The following STARD13 variants were observed in gnomAD, a reference collection of about 807,000 sequenced individuals.
The protein encoded by STARD13 is stAR-related lipid transfer protein 13.
Under a neutral mutation model 106.4 loss-of-function variants are expected in STARD13, and 62 were observed. That is an observed-to-expected ratio of 0.58 (90% CI 0.48 to 0.72). The LOEUF is 0.72. Among genes scored for constraint, STARD13 ranks in the 30% least tolerant of loss-of-function variants. The pLI is 0.00. For synonymous variants in STARD13, 565 were observed against 553.0 expected, an observed-to-expected ratio of 1.02 and a Z score of -0.31; for missense variants, 1,387 against 1,424.0, an observed-to-expected ratio of 0.97 and a Z score of 0.42.
the STARD13 span, among the ~76,000 whole-genome samples, chr13:33,449,027 C>G: frequency 2.0e-5 from 3 of 151,772 alleles, no homozygotes; most frequent in Non-Finnish European, 4.4e-5. Context: ...TTCTCTCACT[C>G]TGCATGCTGT....
intron 1 of STARD13, among the ~76,000 whole-genome samples, chr13:33,329,212 G>A (rs1438642090): frequency 2.0e-5 from 3 of 151,886 alleles, no homozygotes; most frequent in Admixed American, 6.6e-5. Context: ...AAATCATTCT[G>A]TAAATATACT....
At chr13:33,660,321 C>T in the STARD13 span, among the ~76,000 whole-genome samples, 2 of 152,124 alleles carry the variant, frequency 1.3e-5, no homozygotes, top group African/African-American at 4.8e-5. Flanking sequence ...AAGATATTTC[C>T]ATCAGTTAGA....
intron 6 of STARD13, among the ~76,000 whole-genome samples, chr13:33,126,462 A>G (rs1416430384): frequency 3.3e-5 from 5 of 152,246 alleles, no homozygotes; most frequent in African/African-American, 1.2e-4. Context: ...TCACGTTCCC[A>G]GAATGTATTT....
the STARD13 span, among the ~76,000 whole-genome samples, chr13:33,532,731 G>T: frequency 1.3e-5 from 2 of 152,142 alleles, no homozygotes; most frequent in Non-Finnish European, 2.9e-5. Context: ...TAAAAAAGTT[G>T]TACTTCTGAG....
At chr13:33,306,829 A>G (rs112648587) in intron 1 of STARD13, among the ~76,000 whole-genome samples, 1,838 of 152,288 alleles carry the variant, frequency 0.012, 35 homozygotes, top group African/African-American at 0.041. Flanking sequence ...ACATGCCTGC[A>G]GTCCCAGCTA....
upstream of STARD13, among the ~76,000 whole-genome samples, chr13:33,352,387 C>T (rs780923222): frequency 2.1e-4 from 32 of 152,200 alleles, no homozygotes; most frequent in Non-Finnish European, 1.3e-4. Context: ...TTGAATCAAA[C>T]AGACGCAATA....
At chr13:33,280,991 A>G (rs1026358950) in intron 1 of STARD13, 1 of 152,204 alleles carries the variant, frequency 6.6e-6, no homozygotes, top group African/African-American at 2.4e-5. Context: ...AGCCACTGAT[A>G]TATTCCACAT....
chr13:33,122,684 C>T (rs487405), intron 7 of STARD13, among the ~76,000 whole-genome samples: 46,086 of 152,024 alleles, frequency 0.3, 8,138 homozygotes, highest in Non-Finnish European at 0.41. Context: ...AGATAAAAGG[C>T]GAGTGATGAG....
chr13:33,629,030 T>C, the STARD13 span, among the ~76,000 whole-genome samples: 1 of 152,232 alleles, frequency 6.6e-6, no homozygotes, highest in South Asian at 2.1e-4. Flanking sequence ...GCTTCTTAGC[T>C]ATGTTGAGCT....
At chr13:33,434,274 A>G in the STARD13 span, among the ~76,000 whole-genome samples, 1 of 146,596 alleles carries the variant, frequency 6.8e-6, no homozygotes, top group East Asian at 2.0e-4. Flanking sequence ...AATCGCTTGA[A>G]CCCAGGGGGT....
At chr13:33,452,056 T>C in the STARD13 span, among the ~76,000 whole-genome samples, 5 of 152,336 alleles carry the variant, frequency 3.3e-5, no homozygotes, top group South Asian at 6.2e-4. Context: ...GGTACCTTGA[T>C]GAAGGGCTTT....
chr13:33,301,666 C>T (rs1171231694), intron 1 of STARD13, among the ~76,000 whole-genome samples: 4 of 147,190 alleles, frequency 2.7e-5, no homozygotes, highest in African/African-American at 1.0e-4. Context: ...CTCCCAGGTT[C>T]ATGCCATTCT....
the STARD13 span, among the ~76,000 whole-genome samples, chr13:33,493,004 T>G: frequency 2.0e-5 from 3 of 152,308 alleles, no homozygotes; most frequent in African/African-American, 7.2e-5. Context: ...GCTTCAAATA[T>G]GACACAACAA....
intron 7 of STARD13, among the ~76,000 whole-genome samples, chr13:33,124,232 G>A (rs1174205480): frequency 6.6e-6 from 1 of 152,048 alleles, no homozygotes; most frequent in African/African-American, 2.4e-5. Flanking sequence ...TGGTCTCTGC[G>A]TGCTTCCCAC....
In STARD13 at chr13:33,104,544, A is replaced by G. The variant is rs1019769476; in HGVS notation, c.*1049T>C. ...CTAGGATTTGAACGGAATGGCCATCATCTCCCTTTGTATGGTGTCTGGAGT... is the reference window on the plus strand; with the variant it reads ...CTAGGATTTGAACGGAATGGCCATCGTCTCCCTTTGTATGGTGTCTGGAGT... On this transcript the variant is annotated 3_prime_UTR_variant, in exon 14 of 14. Coordinates refer to ENST00000336934, the MANE Select transcript of STARD13 (RefSeq NM_178006.4). The G allele has an allele frequency of 6.6e-6, 1 of 152,666 alleles. No homozygotes were observed. Among genetic ancestry groups the G allele is most frequent in the African/African-American group, 2.4e-5 (1 of 41,466 alleles). 9.5% of individuals were successfully genotyped at this position (152,666 alleles called of 1,614,324 possible). A position where few individuals can be genotyped will look rare whatever the true frequency, so the allele number is the denominator to read the frequency against.
chr13:33,421,525 A>G, the STARD13 span, among the ~76,000 whole-genome samples: 1 of 152,208 alleles, frequency 6.6e-6, no homozygotes, highest in Non-Finnish European at 1.5e-5. Context: ...TACAAAGAGG[A>G]GCTGTTACCA....
At chr13:33,258,922 T>A (rs544539011) in intron 1 of STARD13, among the ~76,000 whole-genome samples, 64 of 152,362 alleles carry the variant, frequency 4.2e-4, no homozygotes, top group African/African-American at 1.4e-3. Flanking sequence ...TGTTGTGCCA[T>A]ACTGTTGGAA....
At chr13:33,570,258 G>C in the STARD13 span, among the ~76,000 whole-genome samples, 1 of 147,680 alleles carries the variant, frequency 6.8e-6, no homozygotes, top group Non-Finnish European at 1.5e-5. Context: ...CTAAAAACTA[G>C]CTACTCATTC....
At chr13:33,353,531 G>T (rs1488537253), upstream of STARD13, among the ~76,000 whole-genome samples, 1 of 152,156 alleles carries the variant, frequency 6.6e-6, no homozygotes, top group South Asian at 2.1e-4. Context: ...GAAAGTATAT[G>T]TGGTTAAGAG....
Sources: gnomAD v4.1 joint callset for allele counts (sites outside exome capture counted in the v4.1 genomes callset) on GRCh38, gnomAD v4.1.1 for gene constraint, MANE v1.5 for transcripts, NCBI Gene and HGNC (gene_info 2026-07-23, HGNC 2026-07-21) for gene names.